The following CELF4 variants were observed in gnomAD, a reference collection of about 807,000 sequenced individuals.
CELF4 encodes CUGBP Elav-like family member 4, also known as CUG-BP- and ETR-3-like factor 4.
CELF4 carries 18 observed loss-of-function variants against 59.9 expected under a neutral mutation model. The ratio of observed to expected loss-of-function variants is 0.30; its 90% confidence interval spans 0.21 to 0.45. The LOEUF (loss-of-function observed/expected upper bound fraction) is 0.45, where lower values mean the gene tolerates loss of function less well. Ranked by LOEUF, CELF4 falls within the 20% of genes least tolerant of loss-of-function variation. The probability of loss-of-function intolerance (pLI) is 1.00; values close to 1 mark genes in which losing one functional copy is unlikely to be tolerated. For missense variants in CELF4, 456 were observed against 689.0 expected (o/e 0.66, Z 3.79); for synonymous variants, 261 against 267.1 (o/e 0.98, Z 0.22).
rs1395103050 is a variant in CELF4, at chr18:37,379,738, T to G, written c.370-57857A>C. Among the ~76,000 whole-genome samples the G allele has an allele frequency of 2.0e-5, 3 of 152,286 alleles. No homozygotes were observed. The East Asian group carries it at 5.8e-4, about 30-fold the overall frequency. On this transcript the variant is annotated intron_variant, in intron 2 of 12. Transcript: ENST00000420428. ...TCAGACTCAGGGCAGGACTTACTGC[T>G]TGTGCTGAAACATGAGCAGAGCTGG...
chr18:37,297,647 A>G (rs1427374773), intron 3 of CELF4, among the ~76,000 whole-genome samples: 1 of 152,276 alleles, frequency 6.6e-6, no homozygotes, highest in Non-Finnish European at 1.5e-5. Flanking sequence ...CTGTGAAGAT[A>G]TAGAGCATTT....
intron 1 of CELF4, among the ~76,000 whole-genome samples, chr18:37,524,376 C>T (rs542117182): frequency 3.9e-4 from 59 of 152,278 alleles, no homozygotes; most frequent in African/African-American, 1.2e-3. Flanking sequence ...AATAAGGAGT[C>T]CAGGGTCTTT....
At chr18:37,264,887 G>A (rs567999487) in intron 9 of CELF4, 130 bp from the exon 10 acceptor site, 42 of 696,944 alleles carry the variant, frequency 6.0e-5, no homozygotes, top group African/African-American at 3.2e-4. Context: ...CAGCCACTTA[G>A]GACAAAGCCA....
chr18:37,532,497 C>A (rs1056068913), intron 1 of CELF4, among the ~76,000 whole-genome samples: 1 of 152,120 alleles, frequency 6.6e-6, no homozygotes, highest in Admixed American at 6.5e-5. Flanking sequence ...GATGAAAGAC[C>A]AGACATTTAA....
intron 2 of CELF4, among the ~76,000 whole-genome samples, chr18:37,471,855 C>T (rs992226039): frequency 6.6e-6 from 1 of 152,196 alleles, no homozygotes; most frequent in Non-Finnish European, 1.5e-5. Flanking sequence ...GGCTCTGAGC[C>T]GTTCCAGCTG....
intron 2 of CELF4, among the ~76,000 whole-genome samples, chr18:37,426,597 C>A (rs1327449278): frequency 6.6e-6 from 1 of 152,098 alleles, no homozygotes; most frequent in East Asian, 1.9e-4. Context: ...GTGGGGTGGG[C>A]GCAGGCGGGG....
At chr18:37,335,094 C>T (rs1265117084) in intron 2 of CELF4, among the ~76,000 whole-genome samples, 1 of 147,184 alleles carries the variant, frequency 6.8e-6, no homozygotes, top group East Asian at 2.2e-4. Context: ...GTCCAAGTCT[C>T]TTTTCCTGGC....
Position 37,254,494 on chromosome 18 carries a change from A to C in CELF4, c.1334-556T>G, listed in dbSNP as rs1001479300. The stretch of plus-strand genomic sequence containing the variant: ...ACCGCAGGTGCCCGGCTGTCGGAGG[A>C]GGCCCAGAGGCTGAGCCCTCGCGGG... On this transcript the variant is annotated intron_variant, in intron 11 of 12. Coordinates refer to ENST00000420428, the MANE Select transcript of CELF4 (RefSeq NM_020180.4). This position sits in a 1 kb window ranked among gnomAD's most constrained non-coding sequence, Gnocchi z 5.1. Among the ~76,000 whole-genome samples, 2 of 150,838 alleles carry C rather than the reference A, an allele frequency of 1.3e-5. No homozygotes were observed. Among genetic ancestry groups the C allele is most frequent in the Non-Finnish European group, 3.0e-5 (2 of 67,772 alleles).
At chr18:37,462,078 AGAG>A (rs2099795103) in intron 2 of CELF4, among the ~76,000 whole-genome samples, 1 of 152,204 alleles carries the variant, frequency 6.6e-6, no homozygotes, top group African/African-American at 2.4e-5. Context: ...GTGGCAGAGC[AGAG>A]GAGAGTAGGT....
intron 1 of CELF4, among the ~76,000 whole-genome samples, chr18:37,506,205 C>A (rs185341447): frequency 2.6e-5 from 4 of 152,208 alleles, no homozygotes; most frequent in Non-Finnish European, 4.4e-5. Flanking sequence ...CCATCCCTTG[C>A]GTCCCATTAC....
intron 1 of CELF4, among the ~76,000 whole-genome samples, chr18:37,496,099 A>G (rs2099924967): frequency 6.6e-6 from 1 of 152,106 alleles, no homozygotes; most frequent in Admixed American, 6.5e-5. Flanking sequence ...TGGGCCCTCC[A>G]TCAGATCCTC....
intron 2 of CELF4, among the ~76,000 whole-genome samples, chr18:37,342,152 C>A (rs1470996962): frequency 6.6e-6 from 1 of 151,934 alleles, no homozygotes; most frequent in Non-Finnish European, 1.5e-5. Context: ...TTAGAGCCAT[C>A]CCTGGCAATT....
At chr18:37,283,520 C>T (rs564159095) in intron 3 of CELF4, among the ~76,000 whole-genome samples, 3 of 152,122 alleles carry the variant, frequency 2.0e-5, no homozygotes, top group African/African-American at 4.8e-5. Context: ...CCTAAATCGC[C>T]GGGCATGTAG....
At chr18:37,485,443 G>T in intron 2 of CELF4, 82 bp downstream of exon 2, 2 of 813,652 alleles carry the variant, frequency 2.5e-6, no homozygotes, top group Non-Finnish European at 1.5e-6. Flanking sequence ...TCCTCTCCCC[G>T]CGCGCCGCGC....
intron 2 of CELF4, among the ~76,000 whole-genome samples, chr18:37,481,197 A>C (rs1384754046): frequency 6.6e-6 from 1 of 152,164 alleles, no homozygotes; most frequent in Non-Finnish European, 1.5e-5. Flanking sequence ...GAATGAGGAC[A>C]CAAAAGCCAA....
intron 3 of CELF4, among the ~76,000 whole-genome samples, chr18:37,313,525 A>G (rs2096750388): frequency 6.6e-6 from 1 of 152,120 alleles, no homozygotes; most frequent in South Asian, 2.1e-4. Flanking sequence ...TAGCTAGAAG[A>G]TTCTGGAAGG....
At chr18:37,356,246 T>G (rs1288682625) in intron 2 of CELF4, among the ~76,000 whole-genome samples, 1 of 152,254 alleles carries the variant, frequency 6.6e-6, no homozygotes, top group Non-Finnish European at 1.5e-5. Context: ...TATGTGGCAC[T>G]CATCCGCTTT....
chr18:37,423,064 G>GCACACACACACACACA lies in CELF4; in HGVS notation c.369+62445_369+62460dup, dbSNP rs10654318. ...TACACATAGACACATGCGCGCGCGCGCACACACACACACACACAGAGACAG... is the reference window on the plus strand; with the variant it reads ...TACACATAGACACATGCGCGCGCGCGCACACACACACACACACACACACACACACACACAGAGACAG... On this transcript the variant is annotated intron_variant, in intron 2 of 12. Transcript: ENST00000420428. Among the ~76,000 whole-genome samples, 3 of 150,522 alleles carry GCACACACACACACACA rather than the reference G, an allele frequency of 2.0e-5. No homozygotes were observed. In the East Asian group the frequency reaches 6.0e-4, roughly 30 times the overall value.
intron 2 of CELF4, among the ~76,000 whole-genome samples, chr18:37,339,669 G>A (rs536009852): frequency 2.3e-4 from 35 of 151,618 alleles, no homozygotes; most frequent in South Asian, 6.3e-4. Context: ...CAAGTGAATC[G>A]CTTGAACCTG....
Sources: gnomAD v4.1 joint callset for allele counts (sites outside exome capture counted in the v4.1 genomes callset) on GRCh38, gnomAD v4.1.1 for gene constraint, Gnocchi (gnomAD v3.1) non-coding constraint, MANE v1.5 for transcripts, NCBI Gene and HGNC (gene_info 2026-07-23, HGNC 2026-07-21) for gene names.